The following DLG2 variants were observed in gnomAD, a reference collection of about 807,000 sequenced individuals.
DLG2 encodes the protein discs large MAGUK scaffold protein 2, also known as disks large homolog 2.
DLG2 carries 45 observed loss-of-function variants against 132.5 expected under a neutral mutation model. That is an observed-to-expected ratio of 0.34 (90% CI 0.27 to 0.44). DLG2 has a LOEUF of 0.44. Ranked by LOEUF, DLG2 falls within the 20% of genes least tolerant of loss-of-function variation. The pLI is 1.00. For missense variants in DLG2, 1,045 were observed against 1,196.9 expected, an observed-to-expected ratio of 0.87 and a Z score of 1.87; for synonymous variants, 424 against 419.6, an observed-to-expected ratio of 1.01 and a Z score of -0.13.
chr11:85,328,851 A>C (rs1086256), intron 3 of DLG2, among the ~76,000 whole-genome samples: 13 of 23,294 alleles, frequency 5.6e-4, no homozygotes, highest in South Asian at 2.4e-3. Flanking sequence ...GTTTGCAGAC[A>C]ACATGATTGT....
intron 18 of DLG2, among the ~76,000 whole-genome samples, chr11:83,746,433 T>C (rs1318803796): frequency 6.6e-6 from 1 of 152,098 alleles, no homozygotes; most frequent in East Asian, 1.9e-4. Context: ...TGTAGGGACA[T>C]GGATGAAGCT....
chr11:83,887,643 A>C (rs1420738937), intron 15 of DLG2, among the ~76,000 whole-genome samples: 171 of 151,744 alleles, frequency 1.1e-3, no homozygotes, highest in African/African-American at 3.5e-3. Context: ...AGAGACACAA[A>C]CAAAAAAGAG....
At chr11:85,259,177 G>GT (rs1453310532) in intron 4 of DLG2, among the ~76,000 whole-genome samples, 2 of 152,062 alleles carry the variant, frequency 1.3e-5, no homozygotes, top group African/African-American at 4.8e-5. Context: ...GTTTCTCATG[G>GT]TTCATCACTG....
chr11:84,518,418 A>C (rs2099280173), intron 7 of DLG2, among the ~76,000 whole-genome samples: 2 of 152,124 alleles, frequency 1.3e-5, no homozygotes, highest in African/African-American at 4.8e-5. Flanking sequence ...GAAAATGCCG[A>C]ATGATATACC....
At chr11:84,903,862 C>T (rs10898323) in intron 6 of DLG2, among the ~76,000 whole-genome samples, 71,899 of 151,756 alleles carry the variant, frequency 0.47, 17,717 homozygotes, top group South Asian at 0.62. Flanking sequence ...AAAATTATTT[C>T]CAACAGGTGA....
chr11:83,870,338 C>T (rs2063199214), intron 16 of DLG2, among the ~76,000 whole-genome samples: 1 of 152,130 alleles, frequency 6.6e-6, no homozygotes, highest in Admixed American at 6.5e-5. Flanking sequence ...TATTTAGCTC[C>T]CATTTATAAG....
rs571070708 is a variant in DLG2, at chr11:84,799,065, C to G, written c.358-264334G>C. On this transcript the variant is annotated intron_variant, in intron 6 of 27. Transcript: ENST00000376104. ...ACAAGTACTCCCTGAGCCATCCCAT[C>G]TGGTGTCTCACTAGGTCACACATTG... 7.2e-5 allele frequency among the ~76,000 whole-genome samples: 11 copies of G among 152,334 alleles called. No individual in the cohort carries two copies. In the South Asian group the frequency reaches 2.1e-3, roughly 29 times the overall value.
chr11:83,963,454 A>G (rs2089389484), intron 13 of DLG2, among the ~76,000 whole-genome samples: 1 of 151,814 alleles, frequency 6.6e-6, no homozygotes. Flanking sequence ...CCCAAAATAT[A>G]CTCTATTCCC....
intron 6 of DLG2, among the ~76,000 whole-genome samples, chr11:84,940,263 G>A (rs1354880652): frequency 6.6e-6 from 1 of 152,180 alleles, no homozygotes; most frequent in African/African-American, 2.4e-5. Context: ...CGATTCTCCT[G>A]CCTCAGCCTC....
At chr11:84,029,560 G>C (rs2095635006) in intron 11 of DLG2, among the ~76,000 whole-genome samples, 1 of 152,110 alleles carries the variant, frequency 6.6e-6, no homozygotes, top group South Asian at 2.1e-4. Context: ...CTTTACCGAT[G>C]AAAGGGAAAC....
chr11:85,623,433 T>TC (rs2081865810), intron 2 of DLG2, among the ~76,000 whole-genome samples: 1 of 152,090 alleles, frequency 6.6e-6, no homozygotes, highest in South Asian at 2.1e-4. Context: ...GCCTCCCAAG[T>TC]AGCTGGGATT....
chr11:83,962,990 G>A lies in DLG2; in HGVS notation c.1235C>T (p.Ser412Phe). ...YSPPMENHLLSGNNGTLEYKT... is the reference protein window; with the variant it reads ...YSPPMENHLLFGNNGTLEYKT... ...ATATTCTAAAGTGCCATTGTTGCCA[G>A]AGAGTAGATGGTTTTCCATTGGTGG... Residue 412 changes from serine (S) to phenylalanine (F), a missense_variant, in exon 14 of 28, where the codon TCT becomes TTT. Around this residue, in one of 4 missense-constraint regions of DLG2, gnomAD observed 261 missense variants for 256.1 expected, o/e 1.02. Transcript: ENST00000376104. 1 of 1,613,022 alleles carries A rather than the reference G, an allele frequency of 6.2e-7. No homozygotes were observed. The highest frequency in any genetic ancestry group is 1.1e-5 in the South Asian group (1 of 91,072).
At chr11:84,567,596 A>G (rs1361313872) in intron 6 of DLG2, among the ~76,000 whole-genome samples, 1 of 152,198 alleles carries the variant, frequency 6.6e-6, no homozygotes, top group Non-Finnish European at 1.5e-5. Context: ...AACTATTAAA[A>G]TTAGTTGTAT....
At chr11:85,606,029 G>C (rs1249247464) in intron 2 of DLG2, among the ~76,000 whole-genome samples, 1 of 152,028 alleles carries the variant, frequency 6.6e-6, no homozygotes, top group Non-Finnish European at 1.5e-5. Flanking sequence ...CATGGGAGTA[G>C]AGAATTAAGT....
intron 7 of DLG2, among the ~76,000 whole-genome samples, chr11:84,262,414 C>G (rs181474125): frequency 5.8e-4 from 88 of 152,314 alleles, no homozygotes; most frequent in African/African-American, 2.0e-3. Flanking sequence ...ATTTCTCAAA[C>G]TTTCCAGATA....
At chr11:83,763,174 T>A (rs2093986772) in intron 18 of DLG2, among the ~76,000 whole-genome samples, 2 of 152,310 alleles carry the variant, frequency 1.3e-5, no homozygotes, top group East Asian at 1.9e-4. Flanking sequence ...AAATTAAGAA[T>A]TTTTTTAACT....
chr11:83,556,782 G>A (rs199691150), intron 19 of DLG2, among the ~76,000 whole-genome samples: 1 of 152,204 alleles, frequency 6.6e-6, no homozygotes, highest in East Asian at 1.9e-4. Context: ...GGGCAGAAAA[G>A]CATGAGAAAC....
chr11:84,693,192 T>C (rs974466833), intron 6 of DLG2, among the ~76,000 whole-genome samples: 1 of 151,844 alleles, frequency 6.6e-6, no homozygotes, highest in Non-Finnish European at 1.5e-5. Context: ...TCGCTGTTAA[T>C]TGATGTGGAA....
chr11:84,358,164 C>T (rs1043029679), intron 7 of DLG2, among the ~76,000 whole-genome samples: 1 of 151,976 alleles, frequency 6.6e-6, no homozygotes, highest in Non-Finnish European at 1.5e-5. Context: ...GGCACACACA[C>T]ATACTCATGC....
Sources: allele counts gnomAD v4.1 joint callset (sites outside exome capture counted in the v4.1 genomes callset), GRCh38; gene constraint gnomAD v4.1.1; regional missense constraint gnomAD v4.1.1; transcripts MANE v1.5; gene names NCBI Gene and HGNC (gene_info 2026-07-23, HGNC 2026-07-21).